Variants in RNF220 observed in about 807,000 individuals in gnomAD.
RNF220 encodes the protein E3 ubiquitin-protein ligase RNF220.
Under a neutral mutation model 67.1 loss-of-function variants are expected in RNF220, and 7 were observed. The observed-to-expected ratio is 0.10, with a 90% CI of 0.06 to 0.20. The LOEUF (loss-of-function observed/expected upper bound fraction) is 0.20, where lower values mean the gene tolerates loss of function less well. Among genes scored for constraint, RNF220 ranks in the 10% least tolerant of loss-of-function variants. The pLI is 1.00. For missense variants in RNF220, 565 were observed against 740.3 expected (o/e 0.76, Z 2.75); for synonymous variants, 270 against 283.2 (o/e 0.95, Z 0.47).
chr1:44,451,139 G>A (rs1358895668), intron 2 of RNF220, among the ~76,000 whole-genome samples: 1 of 151,626 alleles, frequency 6.6e-6, no homozygotes, highest in Non-Finnish European at 1.5e-5. Context: ...GCCAAGATCG[G>A]GCCACTGCAT....
chr1:44,514,012 C>G (rs1264735328), intron 2 of RNF220, among the ~76,000 whole-genome samples: 2 of 152,230 alleles, frequency 1.3e-5, no homozygotes, highest in Non-Finnish European at 2.9e-5. Flanking sequence ...TTCATAGTAT[C>G]ACCACAGCAG....
chr1:44,532,107 G>T (rs1332527604), intron 2 of RNF220, among the ~76,000 whole-genome samples: 1 of 152,096 alleles, frequency 6.6e-6, no homozygotes, highest in Non-Finnish European at 1.5e-5. Flanking sequence ...TTTTACATAT[G>T]TACGCTCTTT....
chr1:44,452,254 A>T (rs879458324), intron 2 of RNF220, among the ~76,000 whole-genome samples: 8 of 152,106 alleles, frequency 5.3e-5, no homozygotes, highest in Non-Finnish European at 8.8e-5. Context: ...TAGAATTTTT[A>T]AAAAACCTTA....
chr1:44,600,125 G>A lies in RNF220; in HGVS notation c.626-14040G>A, dbSNP rs1666816203. Among the ~76,000 whole-genome samples the A allele has an allele frequency of 6.6e-6, 1 of 152,304 alleles. No individual in the cohort carries two copies. Among genetic ancestry groups the A allele is most frequent in the South Asian group, 2.1e-4 (1 of 4,828 alleles). On this transcript the variant is annotated intron_variant, in intron 2 of 14. Transcript: ENST00000361799. The surrounding 1 kb of genome is among the most constrained non-coding windows in gnomAD (Gnocchi z 4.0). ...AGTAAAAATTAAGATTGTCAATTTAGGGAGGTCTCTGGATAGTGGTACCAT... is the reference window on the plus strand; with the variant it reads ...AGTAAAAATTAAGATTGTCAATTTAAGGAGGTCTCTGGATAGTGGTACCAT...
chr1:44,446,400 T>C (rs1192587199), intron 2 of RNF220, among the ~76,000 whole-genome samples: 2 of 152,162 alleles, frequency 1.3e-5, no homozygotes, highest in Non-Finnish European at 2.9e-5. Context: ...TGTGTGAACG[T>C]GACTGGGAAA....
intron 1 of RNF220, among the ~76,000 whole-genome samples, chr1:44,409,694 A>G (rs1230974639): frequency 1.3e-5 from 2 of 152,234 alleles, no homozygotes; most frequent in Non-Finnish European, 2.9e-5. Context: ...TGCTCCATCA[A>G]GCTGATTATC....
At chr1:44,482,335 CAG>C (rs1232595902) in intron 2 of RNF220, among the ~76,000 whole-genome samples, 1 of 152,164 alleles carries the variant, frequency 6.6e-6, no homozygotes, top group Non-Finnish European at 1.5e-5. Context: ...GCTCCCTTCT[CAG>C]GGGAGCAGGA....
chr1:44,507,712 T>G (rs1370089946), intron 2 of RNF220, among the ~76,000 whole-genome samples: 1 of 152,048 alleles, frequency 6.6e-6, no homozygotes, highest in Non-Finnish European at 1.5e-5. Context: ...GCACAGCAGT[T>G]GGTGGTGAGC....
intron 2 of RNF220, among the ~76,000 whole-genome samples, chr1:44,555,568 G>A (rs372055916): frequency 2.6e-5 from 4 of 151,606 alleles, no homozygotes; most frequent in East Asian, 2.0e-4. Context: ...TCCGCCTCCC[G>A]GGTTCACGCC....
chr1:44,503,854 GT>G, intron 2 of RNF220, among the ~76,000 whole-genome samples: 1 of 151,660 alleles, frequency 6.6e-6, no homozygotes, highest in East Asian at 1.9e-4. Context: ...TCCGTGGGTT[GT>G]TTTTTGTTTT....
intron 2 of RNF220, among the ~76,000 whole-genome samples, chr1:44,483,087 C>T (rs546297739): frequency 2.0e-4 from 30 of 152,034 alleles, no homozygotes; most frequent in Non-Finnish European, 4.1e-4. Context: ...CACACCATCG[C>T]GCCTGGCTAC....
intron 2 of RNF220, among the ~76,000 whole-genome samples, chr1:44,468,162 C>T (rs1308916821): frequency 4.9e-5 from 5 of 101,262 alleles, no homozygotes; most frequent in Non-Finnish European, 1.2e-4. Context: ...TAGATTTGCT[C>T]AACACAGGGT....
intron 2 of RNF220, among the ~76,000 whole-genome samples, chr1:44,435,921 C>CA (rs1283469504): frequency 3.4e-5 from 5 of 148,940 alleles, no homozygotes; most frequent in South Asian, 2.1e-4. Flanking sequence ...GACTCCATAT[C>CA]AAAAAAAAGA....
At chr1:44,501,239 G>A (rs1381775449) in intron 2 of RNF220, among the ~76,000 whole-genome samples, 2 of 151,564 alleles carry the variant, frequency 1.3e-5, no homozygotes, top group Non-Finnish European at 2.9e-5. Flanking sequence ...GTGTGGGGGG[G>A]TGACCAGCGG....
chr1:44,494,698 A>T (rs1243893184), intron 2 of RNF220, among the ~76,000 whole-genome samples: 1 of 152,200 alleles, frequency 6.6e-6, no homozygotes, highest in Non-Finnish European at 1.5e-5. Flanking sequence ...AACAGATAAA[A>T]TTGTTTCTTG....
chr1:44,516,255 C>G (rs938007076), intron 2 of RNF220, among the ~76,000 whole-genome samples: 4 of 152,108 alleles, frequency 2.6e-5, no homozygotes, highest in Non-Finnish European at 5.9e-5. Flanking sequence ...GGAGACAGGC[C>G]AGCCAAAGAG....
chr1:44,539,555 T>G (rs981918699), intron 2 of RNF220, among the ~76,000 whole-genome samples: 10 of 152,090 alleles, frequency 6.6e-5, no homozygotes, highest in African/African-American at 2.4e-4. Flanking sequence ...ATGTAATGAG[T>G]GTCTGCAGAG....
chr1:44,406,918 G>A (rs947148716), intron 1 of RNF220, among the ~76,000 whole-genome samples: 1 of 152,230 alleles, frequency 6.6e-6, no homozygotes, highest in Non-Finnish European at 1.5e-5. Context: ...GACCCCAGCT[G>A]GCGAGGGCGC....
rs140559483 is a variant in RNF220 at position 44,535,361 on chromosome 1, G to A, written c.626-78804G>A. On this transcript the variant is annotated intron_variant, in intron 2 of 14. Transcript: ENST00000361799. ...TCACCATATTGGCCAGGCTGGTCTC[G>A]AACTCCTGACCTTGTGATCCGCCCA... 3.7e-3 allele frequency among the ~76,000 whole-genome samples: 568 copies of A among 151,966 alleles called. 6 individuals are homozygous for A. Among genetic ancestry groups the A allele is most frequent in the African/African-American group, 0.013 (524 of 41,454 alleles).
Sources: gnomAD v4.1 joint callset for allele counts (sites outside exome capture counted in the v4.1 genomes callset) on GRCh38, gnomAD v4.1.1 for gene constraint, Gnocchi (gnomAD v3.1) non-coding constraint, MANE v1.5 for transcripts, NCBI Gene and HGNC (gene_info 2026-07-23, HGNC 2026-07-21) for gene names.